SNTG1: variants seen among roughly 807,000 people sequenced by gnomAD.
SNTG1 encodes the protein syntrophin gamma 1.
A neutral mutation model predicts 74.7 loss-of-function variants in SNTG1; 39 were observed. The observed-to-expected ratio is 0.52, with a 90% CI of 0.40 to 0.68. The LOEUF (loss-of-function observed/expected upper bound fraction) is 0.68, where lower values mean the gene tolerates loss of function less well. Ranked by LOEUF, SNTG1 falls within the 30% of genes least tolerant of loss-of-function variation. SNTG1 has a pLI of 0.00. For synonymous variants in SNTG1, 254 were observed against 217.1 expected (o/e 1.17, Z -1.49); for missense variants, 685 against 609.5 (o/e 1.12, Z -1.30).
chr8:50,523,660 C>A (rs2094197992), intron 9 of SNTG1, among the ~76,000 whole-genome samples: 1 of 152,086 alleles, frequency 6.6e-6, no homozygotes, highest in African/African-American at 2.4e-5. Context: ...AAAAGAATTA[C>A]AATAGTAGCA....
At chr8:50,049,610 GT>G (rs769489208) in intron 1 of SNTG1, among the ~76,000 whole-genome samples, 27 of 152,062 alleles carry the variant, frequency 1.8e-4, no homozygotes, top group Non-Finnish European at 3.5e-4. Flanking sequence ...TGAGTGCATA[GT>G]GGAACTAAGC....
intron 13 of SNTG1, among the ~76,000 whole-genome samples, chr8:50,648,478 C>G (rs1333297626): frequency 6.6e-6 from 1 of 152,048 alleles, no homozygotes; most frequent in South Asian, 2.1e-4. Flanking sequence ...GAAACCCTGA[C>G]TTAATTGAGA....
At chr8:50,590,427 CTG>C (rs780386493) in intron 12 of SNTG1, among the ~76,000 whole-genome samples, 14 of 152,066 alleles carry the variant, frequency 9.2e-5, no homozygotes, top group Non-Finnish European at 1.6e-4. Context: ...TAGACTCTAT[CTG>C]GAGTCTTGAC....
chr8:50,186,321 G>A (rs1380314291), intron 2 of SNTG1, among the ~76,000 whole-genome samples: 6 of 152,110 alleles, frequency 3.9e-5, no homozygotes, highest in Non-Finnish European at 7.3e-5. Context: ...ATGTGTGCAT[G>A]TATCTTTATA....
intron 15 of SNTG1, among the ~76,000 whole-genome samples, chr8:50,701,816 T>C (rs2095426942): frequency 6.7e-6 from 1 of 148,844 alleles, no homozygotes; most frequent in Non-Finnish European, 1.5e-5. Flanking sequence ...TTCTTCTTCT[T>C]CTTCTCCTCC....
chr8:50,008,395 ATTG>A (rs1815454844), intron 1 of SNTG1, among the ~76,000 whole-genome samples: 1 of 152,150 alleles, frequency 6.6e-6, no homozygotes. Flanking sequence ...GCACCTGATT[ATTG>A]TTGTTCTATT....
intron 2 of SNTG1, among the ~76,000 whole-genome samples, chr8:50,185,100 A>C (rs769445093): frequency 6.6e-6 from 1 of 152,164 alleles, no homozygotes; most frequent in Non-Finnish European, 1.5e-5. Context: ...TATGGTTTGC[A>C]TCTATGTCCC....
intron 2 of SNTG1, among the ~76,000 whole-genome samples, chr8:50,316,098 T>C (rs2090309237): frequency 6.6e-6 from 1 of 152,194 alleles, no homozygotes; most frequent in South Asian, 2.1e-4. Flanking sequence ...CATTATTCTT[T>C]CATTTATATT....
intron 17 of SNTG1, among the ~76,000 whole-genome samples, chr8:50,737,158 C>T (rs1355151178): frequency 6.6e-6 from 1 of 151,496 alleles, no homozygotes; most frequent in Non-Finnish European, 1.5e-5. Context: ...AAATAGACCA[C>T]TAGCCGGACT....
intron 2 of SNTG1, among the ~76,000 whole-genome samples, chr8:50,301,872 T>C (rs906778424): frequency 6.6e-6 from 1 of 152,008 alleles, no homozygotes; most frequent in African/African-American, 2.4e-5. Context: ...GTTTTTTTTT[T>C]TTGAGACAGA....
intron 4 of SNTG1, among the ~76,000 whole-genome samples, chr8:50,428,386 C>A (rs1457398438): frequency 1.3e-5 from 2 of 152,250 alleles, no homozygotes; most frequent in East Asian, 1.9e-4. Flanking sequence ...TCCTGCATTT[C>A]AATCCAGAGA....
At chr8:49,978,406 AG>A (rs1407385117) in intron 1 of SNTG1, among the ~76,000 whole-genome samples, 1 of 152,202 alleles carries the variant, frequency 6.6e-6, no homozygotes, top group African/African-American at 2.4e-5. Context: ...AATGCAGCCA[AG>A]GCAGAGCACA....
At chr8:50,620,060 A>G (rs1302643293) in intron 13 of SNTG1, among the ~76,000 whole-genome samples, 1 of 152,092 alleles carries the variant, frequency 6.6e-6, no homozygotes, top group African/African-American at 2.4e-5. Context: ...GGGCTAATCC[A>G]GGTGTGGGCA....
intron 1 of SNTG1, among the ~76,000 whole-genome samples, chr8:50,141,454 C>CA (rs2081654627): frequency 6.6e-6 from 1 of 152,056 alleles, no homozygotes; most frequent in Non-Finnish European, 1.5e-5. Flanking sequence ...GATTAATAAA[C>CA]AAAAATTGTG....
intron 1 of SNTG1, among the ~76,000 whole-genome samples, chr8:50,169,303 T>C (rs915667947): frequency 2.6e-5 from 4 of 152,226 alleles, no homozygotes; most frequent in African/African-American, 9.6e-5. Context: ...AATAGTGTAT[T>C]TTTAAAACTC....
chr8:49,967,147 G>A (rs1811217112), intron 1 of SNTG1, among the ~76,000 whole-genome samples: 1 of 152,166 alleles, frequency 6.6e-6, no homozygotes. Flanking sequence ...TCGAAGCTGG[G>A]CCAGTTGTGA....
chr8:50,256,663 A>G (rs1430468831), intron 2 of SNTG1, among the ~76,000 whole-genome samples: 1 of 152,140 alleles, frequency 6.6e-6, no homozygotes, highest in Non-Finnish European at 1.5e-5. Flanking sequence ...TTTTAAAAAG[A>G]AAGTTATTGT....
intron 1 of SNTG1, among the ~76,000 whole-genome samples, chr8:50,105,466 C>T (rs2080330060): frequency 6.6e-6 from 1 of 151,698 alleles, no homozygotes; most frequent in Non-Finnish European, 1.5e-5. Context: ...AACATGATGT[C>T]TTCAGCTTTT....
intron 1 of SNTG1, among the ~76,000 whole-genome samples, chr8:49,959,168 A>C (rs1249562270): frequency 1.3e-5 from 2 of 152,146 alleles, no homozygotes; most frequent in Admixed American, 1.3e-4. Flanking sequence ...GCATTTTCTG[A>C]TTTATGGAAA....
Sources: allele counts gnomAD v4.1 joint callset (sites outside exome capture counted in the v4.1 genomes callset), GRCh38; gene constraint gnomAD v4.1.1; transcripts MANE v1.5; gene names NCBI Gene and HGNC (gene_info 2026-07-23, HGNC 2026-07-21).